Variants in NF1 observed in about 807,000 individuals in gnomAD.
The protein encoded by NF1 is neurofibromin 1, also known as neurofibromin.
NF1 carries 122 observed loss-of-function variants against 325.7 expected under a neutral mutation model. The ratio of observed to expected loss-of-function variants is 0.37; its 90% CI spans 0.32 to 0.44. NF1 has a LOEUF of 0.44. Ranked by LOEUF, NF1 falls within the 20% of genes least tolerant of loss-of-function variation. The pLI is 1.00. For synonymous variants in NF1, 1,091 were observed against 1,186.0 expected, an observed-to-expected ratio of 0.92 and a Z score of 1.65; for missense variants, 2,140 against 3,415.4, an observed-to-expected ratio of 0.63 and a Z score of 9.31.
At chr17:31,310,667 A>G (rs1193487370) in intron 36 of NF1, among the ~76,000 whole-genome samples, 1 of 151,946 alleles carries the variant, frequency 6.6e-6, no homozygotes, top group Non-Finnish European at 1.5e-5. Flanking sequence ...ATCCAGAAGC[A>G]TACCTAGCAA....
At chr17:31,204,165 A>G (rs1050011550) in intron 11 of NF1, among the ~76,000 whole-genome samples, 1 of 152,094 alleles carries the variant, frequency 6.6e-6, no homozygotes, top group Non-Finnish European at 1.5e-5. Context: ...CACACTTATG[A>G]ACCAATTATC....
At chr17:31,329,995 C>T (rs2069440341) in intron 38 of NF1, among the ~76,000 whole-genome samples, 3 of 152,140 alleles carry the variant, frequency 2.0e-5, no homozygotes, top group Admixed American at 2.0e-4. Context: ...TAAGTCCTCT[C>T]ATATTTTATG....
chr17:31,200,051 G>A (rs2066498377), intron 8 of NF1, among the ~76,000 whole-genome samples: 1 of 151,646 alleles, frequency 6.6e-6, no homozygotes. Context: ...CGGGAGAATC[G>A]CTTGACCCTG....
chr17:31,306,199 T>C (rs2068716534), intron 36 of NF1, among the ~76,000 whole-genome samples: 1 of 152,092 alleles, frequency 6.6e-6, no homozygotes. Context: ...TCTCACTAGC[T>C]CTTTTTCTTC....
chr17:31,287,197 C>G (rs2068244778), intron 36 of NF1, among the ~76,000 whole-genome samples: 1 of 152,158 alleles, frequency 6.6e-6, no homozygotes, highest in South Asian at 2.1e-4. Context: ...CAGTCATTTT[C>G]ACTTCTAATC....
At chr17:31,295,185 T>G (rs1290895775) in intron 36 of NF1, 1 of 1,614,030 alleles carries the variant, frequency 6.2e-7, no homozygotes, top group Non-Finnish European at 8.5e-7. Flanking sequence ...ATGCCACTAG[T>G]GATACTTAGG....
intron 36 of NF1, chr17:31,303,959 A>G (rs972611533): frequency 5.2e-6 from 1 of 190,742 alleles, no homozygotes; most frequent in Admixed American, 5.5e-5. Context: ...GGGAAAAAAA[A>G]CTGTACTGGG....
intron 36 of NF1, chr17:31,305,653 G>A (rs2068700186): frequency 6.4e-7 from 1 of 1,561,948 alleles, no homozygotes; most frequent in African/African-American, 1.4e-5. Context: ...TATAATGAAA[G>A]AGAAAGACAG....
At chr17:31,219,360 T>A (rs1321106859) in intron 14 of NF1, 2 of 231,616 alleles carry the variant, frequency 8.6e-6, no homozygotes, top group African/African-American at 4.6e-5. Context: ...CGAGATTTTC[T>A]AATTGCAGTT....
At chr17:31,233,268 C>A (rs2151435949) in intron 27 of NF1, 55 bp downstream of exon 27, 1 of 1,404,184 alleles carries the variant, frequency 7.1e-7, no homozygotes, top group Middle Eastern at 1.9e-4. Flanking sequence ...GCAAATCCTT[C>A]AGAATATATT....
intron 38 of NF1, among the ~76,000 whole-genome samples, chr17:31,328,981 T>C (rs2069414818): frequency 6.6e-6 from 1 of 152,156 alleles, no homozygotes; most frequent in African/African-American, 2.4e-5. Context: ...TTTGTCAAAA[T>C]TGTATAACTT....
rs2069454402 is a variant in NF1, at chr17:31,330,474, T to A, written c.5788T>A (p.Cys1930Ser). The part of the protein sequence containing the change: ...PHLTLEFLEE[C>S]ISGFSKSSIE... ...CCTCACGTTAGAATTTTTGGAAGAG[T>A]GTATTTCTGGATTTAGCAAATCTAG... is the stretch of plus-strand genomic sequence containing the variant. The change falls in exon 39 of 58, where the codon TGT (cysteine) becomes AGT (serine). Residue 1930 changes from cysteine to serine, a missense_variant. By Grantham distance (112) the Cys-to-Ser change is moderately radical. Coordinates refer to ENST00000358273, the MANE Select transcript of NF1 (RefSeq NM_001042492.3). 6.2e-7 allele frequency: 1 copy of A among 1,613,080 alleles called. No homozygotes were observed. Among genetic ancestry groups the A allele is most frequent in the Non-Finnish European group, 8.5e-7 (1 of 1,179,198 alleles).
At chr17:31,207,897 T>C (rs773240404) in intron 12 of NF1, among the ~76,000 whole-genome samples, 2 of 152,176 alleles carry the variant, frequency 1.3e-5, no homozygotes, top group Non-Finnish European at 2.9e-5. Flanking sequence ...CCTCCAATAA[T>C]AGGACTTGTT....
chr17:31,193,795 A>G (rs969551535), intron 8 of NF1, among the ~76,000 whole-genome samples: 9 of 152,218 alleles, frequency 5.9e-5, no homozygotes, highest in Non-Finnish European at 1.0e-4. Flanking sequence ...AAAGCTCAAC[A>G]TCACTAGTCA....
chr17:31,204,665 G>A (rs1486820473), intron 11 of NF1, among the ~76,000 whole-genome samples: 2 of 151,710 alleles, frequency 1.3e-5, no homozygotes, highest in African/African-American at 2.4e-5. Context: ...ACCACAATAC[G>A]GTTTCAAAAG....
intron 1 of NF1, among the ~76,000 whole-genome samples, chr17:31,135,464 G>GT (rs17878767): frequency 1.2e-4 from 18 of 151,238 alleles, no homozygotes; most frequent in Non-Finnish European, 1.8e-4. Flanking sequence ...CAGTCTGATG[G>GT]TTTTTTTTTC....
intron 1 of NF1, among the ~76,000 whole-genome samples, chr17:31,120,750 C>T (rs570679248): frequency 6.6e-6 from 1 of 151,462 alleles, no homozygotes; most frequent in East Asian, 1.9e-4. Flanking sequence ...AACAAACCTG[C>T]ACATTCTGCA....
At chr17:31,342,941 A>G in intron 47 of NF1, 68 bp from the exon 48 acceptor site, 14 of 1,589,506 alleles carry the variant, frequency 8.8e-6, no homozygotes, top group Non-Finnish European at 1.2e-5. Flanking sequence ...TGAACACAAA[A>G]TTAAGTGAGC....
chr17:31,095,219 T>TAAGAG lies in NF1; in HGVS notation c.-91_-90insAAGAG, dbSNP rs1911535677. ...CTCCACAGACCCTCTCCTTGCCTCTTCCCTCACCTCAGCCTCCGCTCCCCG... is the reference window on the plus strand; with the variant it reads ...CTCCACAGACCCTCTCCTTGCCTCTTAAGAGCCCTCACCTCAGCCTCCGCTCCCCG... On this transcript the variant is annotated 5_prime_UTR_variant, in exon 1 of 58. Coordinates refer to ENST00000358273, the MANE Select transcript of NF1 (RefSeq NM_001042492.3). 8.0e-7 allele frequency: 1 copy of TAAGAG among 1,242,910 alleles called. No individual in the cohort carries two copies. The highest frequency in any genetic ancestry group is 2.0e-5 in the Admixed American group (1 of 50,516). 77.0% of individuals were successfully genotyped at this position (1,242,910 alleles called of 1,614,324 possible). A position where few individuals can be genotyped will look rare whatever the true frequency, so the allele number is the denominator to read the frequency against.
Sources: gnomAD v4.1 joint callset for allele counts (sites outside exome capture counted in the v4.1 genomes callset) on GRCh38, gnomAD v4.1.1 for gene constraint, MANE v1.5 for transcripts, NCBI Gene and HGNC (gene_info 2026-07-23, HGNC 2026-07-21) for gene names.